The following ZNF25 variants were observed in gnomAD, a reference collection of about 807,000 sequenced individuals.
ZNF25 encodes zinc finger protein 25 (KOX 19).
In ZNF25, 21 loss-of-function variants were observed where a neutral mutation model predicts 30.9. The ratio of observed to expected loss-of-function variants is 0.68; its 90% CI spans 0.48 to 0.98. The LOEUF is 0.98. ZNF25 is among the 50% of genes least tolerant of loss of function. The pLI is 0.00. For missense variants in ZNF25, 501 were observed against 529.9 expected, an observed-to-expected ratio of 0.95 and a Z score of 0.54; for synonymous variants, 169 against 181.3, an observed-to-expected ratio of 0.93 and a Z score of 0.55.
intron 5 of ZNF25, 72 bp downstream of exon 5, chr10:37,953,623 C>G: frequency 1.4e-6 from 2 of 1,405,610 alleles, no homozygotes; most frequent in Non-Finnish European, 1.0e-6. Flanking sequence ...CTAGTGCCCT[C>G]CCATTTCTAG....
chr10:37,955,566 C>T (rs2135307821), intron 4 of ZNF25, among the ~76,000 whole-genome samples: 1 of 152,246 alleles, frequency 6.6e-6, no homozygotes, highest in East Asian at 1.9e-4. Flanking sequence ...TTTAGGAATC[C>T]TTATCATAAA....
chr10:37,949,722 T>C lies in ZNF25; in HGVS notation c.*2405A>G, dbSNP rs2062048061. On this transcript the variant is annotated 3_prime_UTR_variant, in exon 6 of 6. Coordinates refer to ENST00000302609, the MANE Select transcript of ZNF25 (RefSeq NM_145011.4). ...ATTGGGTATTGTAAGTTTTTTGTTA[T>C]TGGGTTACGTTAGCTAAGTATGACT... 6.6e-6 allele frequency: 1 copy of C among 152,546 alleles called. No homozygotes were observed. Among genetic ancestry groups the C allele is most frequent in the Non-Finnish European group, 1.5e-5 (1 of 68,044 alleles). The allele number at this position is 152,546 out of a possible 1,614,324, so 9.4% of individuals were successfully genotyped here.
chr10:37,955,835 C>T (rs1229751889), intron 4 of ZNF25, among the ~76,000 whole-genome samples: 2 of 152,054 alleles, frequency 1.3e-5, no homozygotes, highest in African/African-American at 4.8e-5. Flanking sequence ...AGGTGTGCAC[C>T]ACCAAGCCCG....
At chr10:37,965,852 T>C (rs1287197306) in intron 2 of ZNF25, among the ~76,000 whole-genome samples, 1 of 152,124 alleles carries the variant, frequency 6.6e-6, no homozygotes, top group African/African-American at 2.4e-5. Context: ...TCATACAACA[T>C]GCAAAAATAT....
chr10:37,975,338 G>T (rs2063744137), intron 1 of ZNF25, among the ~76,000 whole-genome samples: 1 of 151,674 alleles, frequency 6.6e-6, no homozygotes, highest in South Asian at 2.1e-4. Flanking sequence ...CACATTGTAT[G>T]CATATATCAA....
chr10:37,951,620 T>C lies in ZNF25; in HGVS notation c.*507A>G, dbSNP rs2062148951. 2 of 152,562 alleles carry C rather than the reference T, an allele frequency of 1.3e-5. No individual in the cohort carries two copies. The highest frequency in any genetic ancestry group is 1.3e-4 in the Admixed American group (2 of 15,288). 9.5% of individuals were successfully genotyped at this position (152,562 alleles called of 1,614,324 possible). A position where few individuals can be genotyped will look rare whatever the true frequency, so the allele number is the denominator to read the frequency against. ...CAAGTACCAGTGATCTGAAATTGAATGAAACATCAATTCTTAATAAAGGCT... is the reference window on the plus strand; with the variant it reads ...CAAGTACCAGTGATCTGAAATTGAACGAAACATCAATTCTTAATAAAGGCT... On this transcript the variant is annotated 3_prime_UTR_variant, in exon 6 of 6. Coordinates refer to ENST00000302609, the MANE Select transcript of ZNF25 (RefSeq NM_145011.4).
chr10:37,960,646 A>C (rs2062820659), intron 2 of ZNF25, among the ~76,000 whole-genome samples: 2 of 150,202 alleles, frequency 1.3e-5, no homozygotes, highest in South Asian at 4.2e-4. Flanking sequence ...AAAAAAAAAC[A>C]AAGAAGCTGT....
intron 2 of ZNF25, among the ~76,000 whole-genome samples, chr10:37,957,869 TTG>T (rs1646060703): frequency 1.3e-5 from 2 of 152,340 alleles, no homozygotes; most frequent in South Asian, 4.1e-4. Context: ...AGTATTTTTA[TTG>T]TCTGTTTTCT....
chr10:37,955,491 T>C (rs1455830006), intron 4 of ZNF25, among the ~76,000 whole-genome samples: 1 of 152,112 alleles, frequency 6.6e-6, no homozygotes, highest in Non-Finnish European at 1.5e-5. Flanking sequence ...AGCAGAACTA[T>C]CTTACAAGAA....
chr10:37,952,060 A>C lies in ZNF25; in HGVS notation c.*67T>G. 1.4e-6 allele frequency: 2 copies of C among 1,445,990 alleles called. No individual in the cohort carries two copies. The highest frequency in any genetic ancestry group is 1.9e-6 in the Non-Finnish European group (2 of 1,072,688). 89.6% of individuals were successfully genotyped at this position (1,445,990 alleles called of 1,614,324 possible). On this transcript the variant is annotated 3_prime_UTR_variant, in exon 6 of 6. Transcript: ENST00000302609. ...TCTATTGATGCGATTCATAAGGTGT[A>C]CCTCTTGTGTGAATTATCTGATTGT...
rs766823689 is a variant in ZNF25, at chr10:37,959,766, C to T, written c.16-2220G>A. Among the ~76,000 whole-genome samples, 39 of 149,532 alleles carry T rather than the reference C, an allele frequency of 2.6e-4. 2 individuals are homozygous for T. Among genetic ancestry groups the T allele is most frequent in the Admixed American group, 2.0e-3 (30 of 15,012 alleles). On this transcript the variant is annotated intron_variant, in intron 2 of 5. Transcript: ENST00000302609. ...CTGGGACTATAGGCGCCCGCCACCA[C>T]GCCTGGCTAATTTTTGTATTTTTAG...
At chr10:37,954,878 G>A (rs565999838) in intron 4 of ZNF25, among the ~76,000 whole-genome samples, 1 of 152,250 alleles carries the variant, frequency 6.6e-6, no homozygotes, top group South Asian at 2.1e-4. Context: ...TATAAGCCAG[G>A]AACGGTGGCT....
chr10:37,967,909 T>C (rs774105174), intron 2 of ZNF25: 4 of 152,180 alleles, frequency 2.6e-5, no homozygotes, highest in Non-Finnish European at 4.4e-5. Context: ...GAAGAAAACA[T>C]AGCCTACCTT....
Position 37,951,943 on chromosome 10 carries a change from A to G in ZNF25, c.*184T>C. 1 of 487,928 alleles carries G rather than the reference A, an allele frequency of 2.0e-6. No homozygotes were observed. The highest frequency in any genetic ancestry group is 3.5e-6 in the Non-Finnish European group (1 of 288,620). 30.2% of individuals were successfully genotyped at this position (487,928 alleles called of 1,614,324 possible). On this transcript the variant is annotated 3_prime_UTR_variant, in exon 6 of 6. Transcript: ENST00000302609. The stretch of plus-strand genomic sequence containing the variant: ...TCTAATATTTAGAAAAGCCTAAAAT[A>G]TGATAAAATTTTCTCCCAAATAAAT...
intron 1 of ZNF25, among the ~76,000 whole-genome samples, chr10:37,975,437 T>C (rs1357597663): frequency 1.3e-5 from 2 of 151,164 alleles, no homozygotes; most frequent in Non-Finnish European, 2.9e-5. Context: ...GCTAGCATGG[T>C]GCTTACGAAA....
chr10:37,969,108 G>A (rs1165830557), intron 2 of ZNF25, among the ~76,000 whole-genome samples: 3 of 152,064 alleles, frequency 2.0e-5, no homozygotes, highest in African/African-American at 4.8e-5. Context: ...CAATTATAAT[G>A]GGCATAATTT....
At position 37,949,957 on chromosome 10, in the gene ZNF25, A is replaced by G. The variant is rs940208328; in HGVS notation, c.*2170T>C. 2 of 152,666 alleles carry G rather than the reference A, an allele frequency of 1.3e-5. No individual in the cohort carries two copies. The highest frequency in any genetic ancestry group is 2.9e-5 in the Non-Finnish European group (2 of 68,050). The allele number at this position is 152,666 out of a possible 1,614,324, so 9.5% of individuals were successfully genotyped here. ...GTTATGACAATTTAGCAAGTAAAAA[A>G]CACATTTCTTTGAAAAAAATACTTC... On this transcript the variant is annotated 3_prime_UTR_variant, in exon 6 of 6. Coordinates refer to ENST00000302609, the MANE Select transcript of ZNF25 (RefSeq NM_145011.4).
Position 37,952,507 on chromosome 10 carries a change from C to G in ZNF25, c.991G>C (p.Val331Leu), listed in dbSNP as rs1026271525. The G allele has an allele frequency of 1.2e-6, 2 of 1,613,670 alleles. No individual in the cohort carries two copies. Among genetic ancestry groups the G allele is most frequent in the African/African-American group, 2.7e-5 (2 of 74,856 alleles). The change falls in exon 6 of 6, where the codon GTA becomes CTA. Residue 331 changes from valine to leucine, a missense_variant. Transcript: ENST00000302609. ...KCFYQKSALTVHQRTHTGEKP... is the reference protein window; with the variant it reads ...KCFYQKSALTLHQRTHTGEKP... ...TCCCCTGTGTGAGTTCGCTGATGTA[C>G]TGTGAGGGCTGACTTCTGGTAGAAG...
At chr10:37,961,845 T>C (rs2062894649) in intron 2 of ZNF25, among the ~76,000 whole-genome samples, 1 of 136,694 alleles carries the variant, frequency 7.3e-6, no homozygotes, top group Non-Finnish European at 1.5e-5. Flanking sequence ...CACTTGAACC[T>C]GGGATGCGGA....
Sources: allele counts gnomAD v4.1 joint callset (sites outside exome capture counted in the v4.1 genomes callset), GRCh38; gene constraint gnomAD v4.1.1; transcripts MANE v1.5; gene names NCBI Gene and HGNC (gene_info 2026-07-23, HGNC 2026-07-21).